The following FAM227B variants were observed in gnomAD, a reference collection of about 807,000 sequenced individuals.
FAM227B encodes protein FAM227B.
A neutral mutation model predicts 73.8 loss-of-function variants in FAM227B; 88 were observed. That is an observed-to-expected ratio of 1.19 (90% CI 1.00 to 1.42). The LOEUF is 1.42. Ranked by LOEUF, FAM227B falls within the 40% of genes most tolerant of loss-of-function variation. The pLI is 0.00. For missense variants in FAM227B, 632 were observed against 590.9 expected, an observed-to-expected ratio of 1.07 and a Z score of -0.72; for synonymous variants, 210 against 190.5, an observed-to-expected ratio of 1.10 and a Z score of -0.84.
Position 49,327,385 on chromosome 15 carries a change from C to CTA in FAM227B, c.*1182_*1183insTA, listed in dbSNP as rs2037692485. The stretch of plus-strand genomic sequence containing the variant: ...ACCGACCCAACCTGGAGTTTAATAA[C>CTA]ACGCTTTTTGTTGATAAGTTTATTC... On this transcript the variant is annotated 3_prime_UTR_variant, in exon 16 of 16. Transcript: ENST00000299338. 6.6e-6 allele frequency: 1 copy of CTA among 152,200 alleles called. No individual in the cohort carries two copies. The highest frequency in any genetic ancestry group is 1.5e-5 in the Non-Finnish European group (1 of 68,038). The allele number at this position is 152,200 out of a possible 1,614,324, so 9.4% of individuals were successfully genotyped here.
In FAM227B at chr15:49,366,246, C is replaced by T. The variant is rs150597275; in HGVS notation, c.1271+1202G>A. On this transcript the variant is annotated intron_variant, in intron 13 of 15. Transcript: ENST00000299338. ...TTATTTCCTAGAGTCTGCTTCATATCTATAAAGTCTTTGTCACTTATAAAT... is the reference window on the plus strand; with the variant it reads ...TTATTTCCTAGAGTCTGCTTCATATTTATAAAGTCTTTGTCACTTATAAAT... 1.3e-3 allele frequency: 1,023 copies of T among 786,042 alleles called. 15 individuals carry two copies. The East Asian group carries it at 0.022, about 17-fold the overall frequency. The allele number at this position is 786,042 out of a possible 1,614,324, so 48.7% of individuals were successfully genotyped here. A position where few individuals can be genotyped will look rare whatever the true frequency, so the allele number is the denominator to read the frequency against.
intron 10 of FAM227B, among the ~76,000 whole-genome samples, chr15:49,531,388 A>G (rs186693860): frequency 4.2e-4 from 64 of 152,130 alleles, no homozygotes; most frequent in Non-Finnish European, 8.5e-4. Context: ...AGAAAAATTT[A>G]AAAATCAGTA....
At chr15:49,500,163 G>T (rs969470409) in intron 11 of FAM227B, among the ~76,000 whole-genome samples, 1 of 152,220 alleles carries the variant, frequency 6.6e-6, no homozygotes, top group African/African-American at 2.4e-5. Flanking sequence ...TATGATCATG[G>T]CACTGTATTC....
chr15:49,588,546 A>AAT (rs1567647114), intron 4 of FAM227B, among the ~76,000 whole-genome samples: 7 of 41,482 alleles, frequency 1.7e-4, no homozygotes, highest in Admixed American at 7.3e-4. Context: ...CATATTGAGG[A>AAT]CTATATATAT....
rs560637999 is a variant in FAM227B at position 49,547,673 on chromosome 15, A to T, written c.748-5867T>A. Among the ~76,000 whole-genome samples, 4 of 152,232 alleles carry T rather than the reference A, an allele frequency of 2.6e-5. No homozygotes were observed. The South Asian group carries it at 8.3e-4, about 31-fold the overall frequency. The stretch of plus-strand genomic sequence containing the variant: ...GACTTTAAACCAACAAGGAGTAGCT[A>T]TTCTTGTATCAGACAAAATAGACTT... On this transcript the variant is annotated intron_variant, in intron 9 of 15. Coordinates refer to ENST00000299338, the MANE Select transcript of FAM227B (RefSeq NM_152647.3).
At chr15:49,329,730 A>C (rs952360999) in intron 15 of FAM227B, 2 of 970,254 alleles carry the variant, frequency 2.1e-6, no homozygotes, top group African/African-American at 3.6e-5. Flanking sequence ...ATAATCCTTT[A>C]TTTTTTAATA....
At chr15:49,479,287 T>C (rs12591533) in intron 11 of FAM227B, among the ~76,000 whole-genome samples, 8,314 of 152,246 alleles carry the variant, frequency 0.055, 328 homozygotes, top group East Asian at 0.13. Flanking sequence ...ACCATTATGC[T>C]ATCATGGACA....
At chr15:49,582,739 C>T (rs1160343830) in intron 5 of FAM227B, among the ~76,000 whole-genome samples, 1 of 152,156 alleles carries the variant, frequency 6.6e-6, no homozygotes, top group African/African-American at 2.4e-5. Flanking sequence ...GTAAAACACT[C>T]CTCAGCAAAT....
intron 9 of FAM227B, among the ~76,000 whole-genome samples, chr15:49,561,929 C>T (rs2074294742): frequency 6.6e-6 from 1 of 151,792 alleles, no homozygotes; most frequent in African/African-American, 2.4e-5. Context: ...TAATATTACA[C>T]CTAAAGGAAC....
intron 11 of FAM227B, among the ~76,000 whole-genome samples, chr15:49,380,090 G>A (rs970637480): frequency 7.2e-5 from 11 of 152,148 alleles, no homozygotes; most frequent in African/African-American, 2.7e-4. Flanking sequence ...AGCTGAGCTG[G>A]CACTCAAACC....
At chr15:49,433,155 G>T (rs964386140) in intron 11 of FAM227B, among the ~76,000 whole-genome samples, 1 of 151,330 alleles carries the variant, frequency 6.6e-6, no homozygotes, top group Non-Finnish European at 1.5e-5. Context: ...ATTCTTCAAA[G>T]AAATCAATTA....
chr15:49,424,718 T>G, intron 11 of FAM227B: 1 of 600,194 alleles, frequency 1.7e-6, no homozygotes, highest in South Asian at 3.2e-5. Flanking sequence ...TTCTCTAAAT[T>G]GAACTATGTT....
chr15:49,523,011 C>G (rs914290229), intron 10 of FAM227B, among the ~76,000 whole-genome samples: 3 of 139,858 alleles, frequency 2.1e-5, no homozygotes, highest in Non-Finnish European at 3.1e-5. Flanking sequence ...ACTCTCCATA[C>G]AGTACTCAGA....
intron 9 of FAM227B, among the ~76,000 whole-genome samples, 194 bp from the exon 10 acceptor site, chr15:49,542,000 C>G (rs560760335): frequency 6.6e-6 from 1 of 152,156 alleles, no homozygotes; most frequent in African/African-American, 2.4e-5. Context: ...TAAATTTGAA[C>G]TGGAATATGT....
chr15:49,403,326 G>A (rs2048301504), intron 11 of FAM227B, among the ~76,000 whole-genome samples: 1 of 152,158 alleles, frequency 6.6e-6, no homozygotes, highest in South Asian at 2.1e-4. Context: ...TTTTGGAATA[G>A]TTTCAGTAGA....
intron 10 of FAM227B, among the ~76,000 whole-genome samples, chr15:49,541,152 C>T (rs903301349): frequency 6.6e-6 from 1 of 151,898 alleles, no homozygotes; most frequent in Non-Finnish European, 1.5e-5. Context: ...TATTTCTATA[C>T]CTTAGTTTTA....
At chr15:49,563,569 T>G (rs1191468993) in intron 9 of FAM227B, among the ~76,000 whole-genome samples, 1 of 152,072 alleles carries the variant, frequency 6.6e-6, no homozygotes, top group Admixed American at 6.6e-5. Flanking sequence ...TTCAGAGACA[T>G]CACATTACCT....
rs564892165 is a variant in FAM227B, at chr15:49,369,050, C to T, written c.1111-1442G>A. ...CTTGGCTCACTGCAAGCTCTGCCTC[C>T]CGGGTTCACGCCATTCTCCTGCCTC... On this transcript the variant is annotated intron_variant, in intron 12 of 15. Coordinates refer to ENST00000299338, the MANE Select transcript of FAM227B (RefSeq NM_152647.3). Among the ~76,000 whole-genome samples, 18 of 152,154 alleles carry T rather than the reference C, an allele frequency of 1.2e-4. 1 individual carries two copies. Among genetic ancestry groups the T allele is most frequent in the Non-Finnish European group, 2.4e-4 (16 of 68,030 alleles).
At chr15:49,335,644 A>G in intron 13 of FAM227B, 148 bp from the exon 14 acceptor site, 1 of 543,728 alleles carries the variant, frequency 1.8e-6, no homozygotes, top group Non-Finnish European at 3.3e-6. Context: ...TTATGTCTGG[A>G]GTTACACTCA....
Sources: gnomAD v4.1 joint callset for allele counts (sites outside exome capture counted in the v4.1 genomes callset) on GRCh38, gnomAD v4.1.1 for gene constraint, MANE v1.5 for transcripts, NCBI Gene and HGNC (gene_info 2026-07-23, HGNC 2026-07-21) for gene names.